Variants in MBOAT1 observed in about 807,000 individuals in gnomAD.
MBOAT1 encodes the protein membrane-bound glycerophospholipid O-acyltransferase 1.
MBOAT1 carries 67 observed loss-of-function variants against 64.4 expected under a neutral mutation model. That is an observed-to-expected ratio of 1.04 (90% CI 0.85 to 1.27). The LOEUF (loss-of-function observed/expected upper bound fraction) is 1.27, where lower values mean the gene tolerates loss of function less well. Among genes scored for constraint, MBOAT1 ranks in the 50% most tolerant of loss-of-function variants. The pLI is 0.00. For synonymous variants in MBOAT1, 229 were observed against 218.9 expected (o/e 1.05, Z -0.41); for missense variants, 563 against 604.6 (o/e 0.93, Z 0.72).
intron 1 of MBOAT1, among the ~76,000 whole-genome samples, chr6:20,173,365 G>GAA (rs567112167): frequency 0.038 from 5,318 of 140,186 alleles, 105 homozygotes; most frequent in African/African-American, 0.045. Context: ...ATCCATGAAA[G>GAA]AAAAAAAAAA....
chr6:20,124,383 G>A lies in MBOAT1; in HGVS notation c.907+25C>T, dbSNP rs562998263. The A allele has an allele frequency of 4.4e-5, 71 of 1,601,520 alleles. No homozygotes were observed. In the South Asian group the frequency reaches 7.0e-4, roughly 16 times the overall value. ...AGCAGTAGCATTTTTCCCTCATTCA[G>A]TTACAGCTACTCCATCAAACTTACC... On this transcript the variant is annotated intron_variant, in intron 8 of 12. Transcript: ENST00000324607.
Position 20,212,457 on chromosome 6 carries a change from C to T in MBOAT1, c.-223G>A, listed in dbSNP as rs1472371308. On this transcript the variant is annotated 5_prime_UTR_variant, in exon 1 of 13. Coordinates refer to ENST00000324607, the MANE Select transcript of MBOAT1 (RefSeq NM_001080480.3). ...TTGGCGCTGGCGCTGCAGCCACGGG[C>T]GCCGTAGGAGGGCCGGGCCCAAGGC... 14 of 553,406 alleles carry T rather than the reference C, an allele frequency of 2.5e-5. No individual in the cohort carries two copies. The highest frequency in any genetic ancestry group is 4.5e-5 in the Non-Finnish European group (14 of 313,646). The allele number at this position is 553,406 out of a possible 1,614,324, so 34.3% of individuals were successfully genotyped here.
At chr6:20,188,008 G>GT in intron 1 of MBOAT1, among the ~76,000 whole-genome samples, 1 of 152,082 alleles carries the variant, frequency 6.6e-6, no homozygotes, top group Non-Finnish European at 1.5e-5. Flanking sequence ...GAGAAGAACT[G>GT]TAAGAGAGCA....
chr6:20,131,923 C>A lies in MBOAT1; in HGVS notation c.420-724G>T, dbSNP rs145761973. 8.3e-3 allele frequency among the ~76,000 whole-genome samples: 1,248 copies of A among 150,748 alleles called. 11 individuals are homozygous for A. Among genetic ancestry groups the A allele is most frequent in the African/African-American group, 0.028 (1,146 of 41,060 alleles). ...TCTGCATTTTTTTTTCACTCTGTTG[C>A]CCAGGGTGGAGTGCAGTGGCATAAA... On this transcript the variant is annotated intron_variant, in intron 4 of 12. Transcript: ENST00000324607.
At chr6:20,181,179 C>T (rs1762497142) in intron 1 of MBOAT1, among the ~76,000 whole-genome samples, 1 of 152,152 alleles carries the variant, frequency 6.6e-6, no homozygotes, top group Non-Finnish European at 1.5e-5. Flanking sequence ...GACAATCTGG[C>T]CACAACTTCG....
At chr6:20,120,599 G>A (rs751476351) in intron 8 of MBOAT1, among the ~76,000 whole-genome samples, 27 of 152,082 alleles carry the variant, frequency 1.8e-4, no homozygotes, top group African/African-American at 5.1e-4. Flanking sequence ...AACCCAGGAC[G>A]CGGAGGTTAC....
intron 12 of MBOAT1, among the ~76,000 whole-genome samples, chr6:20,105,561 T>C (rs906861911): frequency 1.3e-4 from 20 of 152,258 alleles, no homozygotes; most frequent in African/African-American, 4.6e-4. Context: ...GTCCAAGAGT[T>C]TGAGACCAGC....
intron 4 of MBOAT1, among the ~76,000 whole-genome samples, chr6:20,140,367 C>T (rs1761133820): frequency 6.6e-6 from 1 of 152,178 alleles, no homozygotes; most frequent in Non-Finnish European, 1.5e-5. Flanking sequence ...TGTGTGTCAA[C>T]TTGACTGGGC....
chr6:20,182,682 G>T (rs1002679671), intron 1 of MBOAT1, among the ~76,000 whole-genome samples: 6 of 152,138 alleles, frequency 3.9e-5, no homozygotes, highest in African/African-American at 1.4e-4. Flanking sequence ...TGCCCCCAGT[G>T]AGCCAAACCC....
chr6:20,102,461 G>A, intron 12 of MBOAT1, 49 bp from the exon 13 acceptor site: 1 of 1,488,516 alleles, frequency 6.7e-7, no homozygotes, highest in South Asian at 1.2e-5. Flanking sequence ...GGATGTAGAT[G>A]GGAAACACCA....
intron 1 of MBOAT1, among the ~76,000 whole-genome samples, chr6:20,171,625 A>G (rs187859931): frequency 2.0e-5 from 3 of 152,310 alleles, no homozygotes; most frequent in Admixed American, 6.5e-5. Flanking sequence ...TTCAAACCCA[A>G]TCTGATTTCC....
rs926249898 is a variant in MBOAT1 at position 20,100,900 on chromosome 6, T to C, written c.*1386A>G. Among the ~76,000 whole-genome samples the C allele has an allele frequency of 2.0e-5, 3 of 152,090 alleles. No homozygotes were observed. Among genetic ancestry groups the C allele is most frequent in the Non-Finnish European group, 4.4e-5 (3 of 68,018 alleles). ...TTCTCTCACATAGAATATTACCCAA[T>C]AGAAGTCTCCAAAAGGGGCCATAGC... On this transcript the variant is annotated 3_prime_UTR_variant, in exon 13 of 13. Coordinates refer to ENST00000324607, the MANE Select transcript of MBOAT1 (RefSeq NM_001080480.3).
intron 7 of MBOAT1, among the ~76,000 whole-genome samples, chr6:20,125,282 G>C (rs756595243): frequency 3.3e-5 from 5 of 152,228 alleles, no homozygotes; most frequent in Non-Finnish European, 7.3e-5. Flanking sequence ...TTTATTGGTA[G>C]TATGGGCATA....
intron 12 of MBOAT1, 94 bp from the exon 13 acceptor site, chr6:20,102,506 G>T: frequency 1.8e-6 from 2 of 1,094,402 alleles, no homozygotes; most frequent in Non-Finnish European, 2.6e-6. Context: ...ACAAGTGAGA[G>T]CACCGCTTTT....
chr6:20,212,151 G>A lies in MBOAT1; in HGVS notation c.84C>T (p.Gly28=), dbSNP rs761070990. 8 of 1,613,660 alleles carry A rather than the reference G, an allele frequency of 5.0e-6. No homozygotes were observed. Among genetic ancestry groups the A allele is most frequent in the Non-Finnish European group, 6.8e-6 (8 of 1,179,860 alleles). ...TYLHPLSELL[G]IPLDQVNFVV... ...CTGCAGTTACCTGGTCCAGCGGGAT[G>A]CCCAGGAGCTCGCTGAGCGGGTGCA... Residue 28 remains glycine (G), a synonymous_variant, in exon 1 of 13, where the codon GGC becomes GGT. Transcript: ENST00000324607.
At chr6:20,149,025 C>A (rs182727826) in intron 3 of MBOAT1, among the ~76,000 whole-genome samples, 1 of 148,724 alleles carries the variant, frequency 6.7e-6, no homozygotes, top group Non-Finnish European at 1.5e-5. Flanking sequence ...CACTTGAACC[C>A]GGGAGGTGGA....
chr6:20,170,918 G>A (rs1056127034), intron 1 of MBOAT1, among the ~76,000 whole-genome samples: 1 of 152,146 alleles, frequency 6.6e-6, no homozygotes, highest in East Asian at 1.9e-4. Flanking sequence ...ATGAATGAAT[G>A]AATGAATGAA....
intron 1 of MBOAT1, among the ~76,000 whole-genome samples, chr6:20,173,365 GAAAAA>G (rs567112167): frequency 7.1e-6 from 1 of 140,142 alleles, no homozygotes; most frequent in South Asian, 2.3e-4. Context: ...ATCCATGAAA[GAAAAA>G]AAAAAACTTC....
intron 12 of MBOAT1, among the ~76,000 whole-genome samples, chr6:20,102,662 A>G (rs1018178641): frequency 2.6e-5 from 4 of 152,292 alleles, no homozygotes; most frequent in African/African-American, 9.6e-5. Context: ...TACACACGGT[A>G]CCGTCCCATT....
Sources: gnomAD v4.1 joint callset for allele counts (sites outside exome capture counted in the v4.1 genomes callset) on GRCh38, gnomAD v4.1.1 for gene constraint, MANE v1.5 for transcripts, NCBI Gene and HGNC (gene_info 2026-07-23, HGNC 2026-07-21) for gene names.